RYR2: variants seen among roughly 807,000 people sequenced by gnomAD.
The protein encoded by RYR2 is cardiac muscle ryanodine receptor-calcium release channel.
In RYR2, 227 loss-of-function variants were observed where a neutral mutation model predicts 601.1. The observed-to-expected ratio is 0.38, with a 90% CI of 0.34 to 0.42. The LOEUF is 0.42. Among genes scored for constraint, RYR2 ranks in the 10% least tolerant of loss-of-function variants. The probability of loss-of-function intolerance (pLI) is 1.00; values close to 1 mark genes in which losing one functional copy is unlikely to be tolerated. For missense variants in RYR2, 4,646 were observed against 6,156.5 expected (o/e 0.75, Z 8.21); for synonymous variants, 2,223 against 2,175.1 (o/e 1.02, Z -0.61).
intron 12 of RYR2, among the ~76,000 whole-genome samples, chr1:237,432,354 A>C (rs1418940239): frequency 2.0e-5 from 3 of 152,198 alleles, no homozygotes; most frequent in Non-Finnish European, 4.4e-5. Context: ...AGAATCAATA[A>C]CAACAATATG....
intron 1 of RYR2, among the ~76,000 whole-genome samples, chr1:237,128,264 C>T (rs1330275198): frequency 6.6e-6 from 1 of 152,178 alleles, no homozygotes. Context: ...ATCGCAGGCA[C>T]TCGGCAGGCT....
chr1:237,279,197 C>A (rs530804231), intron 2 of RYR2, among the ~76,000 whole-genome samples: 1 of 152,110 alleles, frequency 6.6e-6, no homozygotes, highest in Non-Finnish European at 1.5e-5. Flanking sequence ...TTACACTTTT[C>A]TGAAGGATTG....
chr1:237,448,382 G>A (rs546570849), intron 14 of RYR2, among the ~76,000 whole-genome samples: 5 of 152,140 alleles, frequency 3.3e-5, no homozygotes, highest in African/African-American at 9.6e-5. Flanking sequence ...GAGACTGATC[G>A]CTTTGAAATT....
chr1:237,629,141 T>C (rs1679994013), intron 41 of RYR2, among the ~76,000 whole-genome samples: 1 of 152,226 alleles, frequency 6.6e-6, no homozygotes, highest in Non-Finnish European at 1.5e-5. Context: ...TTTTTGAGTA[T>C]ACTACTGATT....
chr1:237,734,455 A>C (rs1690960724), intron 79 of RYR2, among the ~76,000 whole-genome samples: 2 of 152,178 alleles, frequency 1.3e-5, no homozygotes, highest in South Asian at 4.1e-4. Context: ...TTACAATTCG[A>C]TATAAGATTT....
chr1:237,625,828 G>T, intron 40 of RYR2, 24 bp downstream of exon 40: 1 of 1,609,786 alleles, frequency 6.2e-7, no homozygotes, highest in Non-Finnish European at 8.5e-7. Flanking sequence ...GAGTGCACTG[G>T]CAGAATGACC....
intron 25 of RYR2, among the ~76,000 whole-genome samples, chr1:237,541,719 T>C (rs1669281681): frequency 6.6e-6 from 1 of 151,722 alleles, no homozygotes; most frequent in Admixed American, 6.6e-5. Flanking sequence ...AGGATTTGGG[T>C]AGATAAAGGA....
intron 72 of RYR2, 88 bp downstream of exon 72, chr1:237,717,456 A>G: frequency 2.7e-6 from 3 of 1,100,080 alleles, no homozygotes; most frequent in Non-Finnish European, 3.8e-6. Context: ...CCCTATGTCA[A>G]TATTTCATTT....
rs71561898 is a variant in RYR2, at chr1:237,731,891, T to TACAC, written c.10936-130_10936-127dup. On this transcript the variant is annotated intron_variant, in intron 77 of 104. Coordinates refer to ENST00000366574, the MANE Select transcript of RYR2 (RefSeq NM_001035.3). ...TATAGCATGTATAATGCATATAAAATACACACACACACACACACACACACA... is the reference window on the plus strand; with the variant it reads ...TATAGCATGTATAATGCATATAAAATACACACACACACACACACACACACACACA... 4.7e-3 allele frequency among the ~76,000 whole-genome samples: 689 copies of TACAC among 147,368 alleles called. 2 individuals are homozygous for TACAC. Among genetic ancestry groups the TACAC allele is most frequent in the Middle Eastern group, 0.01 (3 of 290 alleles).
At chr1:237,364,543 G>A (rs991033591) in intron 5 of RYR2, among the ~76,000 whole-genome samples, 171 bp downstream of exon 5, 3 of 151,552 alleles carry the variant, frequency 2.0e-5, no homozygotes, top group Non-Finnish European at 4.4e-5. Context: ...TTTTCTGTAT[G>A]GTTATACACA....
intron 1 of RYR2, among the ~76,000 whole-genome samples, chr1:237,218,493 A>C (rs144468575): frequency 0.011 from 1,673 of 152,314 alleles, 8 homozygotes; most frequent in Non-Finnish European, 0.017. Flanking sequence ...CAACTGACCC[A>C]AGATGCTATA....
chr1:237,481,332 G>A (rs2808223), intron 17 of RYR2, among the ~76,000 whole-genome samples: 48,662 of 151,796 alleles, frequency 0.32, 9,390 homozygotes, highest in African/African-American at 0.56. Flanking sequence ...CTTATATTGA[G>A]ACTCAAATGA....
intron 84 of RYR2, among the ~76,000 whole-genome samples, chr1:237,769,568 A>T (rs575009241): frequency 6.6e-6 from 1 of 152,104 alleles, no homozygotes; most frequent in East Asian, 1.9e-4. Context: ...TTGCTTCCTA[A>T]CCCTACCATT....
At chr1:237,280,040 C>T (rs1231139131) in intron 2 of RYR2, among the ~76,000 whole-genome samples, 1 of 152,096 alleles carries the variant, frequency 6.6e-6, no homozygotes, top group African/African-American at 2.4e-5. Flanking sequence ...ATTTCTATGG[C>T]GTCACTTTAA....
chr1:237,475,163 A>C (rs554188320), intron 17 of RYR2, among the ~76,000 whole-genome samples: 1 of 152,338 alleles, frequency 6.6e-6, no homozygotes, highest in East Asian at 1.9e-4. Context: ...AGGCTCAGAG[A>C]AATTCAATAA....
chr1:237,800,255 T>C (rs1403915310), intron 97 of RYR2, among the ~76,000 whole-genome samples: 2 of 152,198 alleles, frequency 1.3e-5, no homozygotes, highest in Admixed American at 1.3e-4. Flanking sequence ...GTAAAATAAT[T>C]ATGCTCCCAT....
In RYR2 at chr1:237,627,998, C is replaced by A. The variant is rs1450206927; in HGVS notation, c.6358C>A (p.Leu2120Met). The change falls in exon 41 of 105, where the codon CTG becomes ATG. Residue 2120 changes from leucine to methionine, a missense_variant. This residue lies in a region of RYR2 where 170 missense variants were observed against 184.5 expected (regional missense o/e 0.92). Transcript: ENST00000366574. The part of the protein sequence containing the change: ...GVSVEDTINL[L>M]ASLGQIRSLL... The stretch of plus-strand genomic sequence containing the variant: ...GTCCGTGGAGGACACCATCAACCTG[C>A]TGGCATCCCTTGGTCAGATTCGGTC... 1 of 1,613,960 alleles carries A rather than the reference C, an allele frequency of 6.2e-7. No homozygotes were observed. Among genetic ancestry groups the A allele is most frequent in the Admixed American group, 1.7e-5 (1 of 60,026 alleles).
At chr1:237,825,390 A>G (rs796651876) in intron 101 of RYR2, among the ~76,000 whole-genome samples, 6 of 152,330 alleles carry the variant, frequency 3.9e-5, no homozygotes, top group African/African-American at 9.6e-5. Flanking sequence ...TCTTTGACAA[A>G]CCTGACAAAA....
intron 43 of RYR2, among the ~76,000 whole-genome samples, chr1:237,634,474 G>A (rs939492015): frequency 6.6e-6 from 1 of 152,152 alleles, no homozygotes; most frequent in African/African-American, 2.4e-5. Context: ...AGTGGTTGGG[G>A]AGATGTTCAA....
Sources: allele counts gnomAD v4.1 joint callset (sites outside exome capture counted in the v4.1 genomes callset), GRCh38; gene constraint gnomAD v4.1.1; regional missense constraint gnomAD v4.1.1; transcripts MANE v1.5; gene names NCBI Gene and HGNC (gene_info 2026-07-23, HGNC 2026-07-21).